Variants in PPL observed in about 807,000 individuals in gnomAD.
PPL encodes 190 kDa paraneoplastic pemphigus antigen.
A neutral mutation model predicts 194.4 loss-of-function variants in PPL; 198 were observed. The ratio of observed to expected loss-of-function variants is 1.02; its 90% confidence interval spans 0.91 to 1.15. The LOEUF (loss-of-function observed/expected upper bound fraction) is 1.15. PPL is among the 50% of genes most tolerant of loss of function. The probability of loss-of-function intolerance (pLI) is 0.00; values close to 1 mark genes in which losing one functional copy is unlikely to be tolerated. For synonymous variants in PPL, 1,220 were observed against 972.4 expected (o/e 1.25, Z -4.74); for missense variants, 2,885 against 2,294.8 (o/e 1.26, Z -5.25).
At chr16:4,903,160 C>G (rs936877113) in intron 3 of PPL, among the ~76,000 whole-genome samples, 1 of 152,118 alleles carries the variant, frequency 6.6e-6, no homozygotes, top group Non-Finnish European at 1.5e-5. Flanking sequence ...TGCCAAGGGT[C>G]GTGGGGCACC....
In PPL at chr16:4,900,783, C is replaced by CATCCT. The variant is rs1568015438; in HGVS notation, c.606+42_606+46dup. On this transcript the variant is annotated intron_variant, in intron 6 of 21. Transcript: ENST00000345988. ...CTTGTCCCCCCGACTCCAAGCTTCCCATCCTCTCCTCTCCCCATGAGGCCT... is the reference window on the plus strand; with the variant it reads ...CTTGTCCCCCCGACTCCAAGCTTCCCATCCTATCCTCTCCTCTCCCCATGAGGCCT... 1.9e-6 allele frequency: 3 copies of CATCCT among 1,612,954 alleles called. No homozygotes were observed. In the Admixed American group the frequency reaches 5.0e-5, roughly 27 times the overall value.
At position 4,893,610 on chromosome 16, in the gene PPL, G is replaced by C; in HGVS notation, c.1423C>G (p.Gln475Glu). The change falls in exon 13 of 22, where the codon CAG (glutamine) becomes GAG (glutamate). Residue 475 changes from glutamine to glutamate, a missense_variant. Transcript: ENST00000345988. ...SLGSQYRSVR[Q>E]KAAGSKRTLQ... ...GTGCGTTTGCTCCCAGCTGCCTTCT[G>C]CCGCACGCTCCGGTACTGGCTGCCC... 1 of 1,606,650 alleles carries C rather than the reference G, an allele frequency of 6.2e-7. No homozygotes were observed. Among genetic ancestry groups the C allele is most frequent in the South Asian group, 1.1e-5 (1 of 90,304 alleles).
In PPL at chr16:4,885,176, G is replaced by C. The variant is rs2088191957; in HGVS notation, c.3479C>G (p.Ala1160Gly). ...EKTELLRKIW[A>G]LEEENAKVVV... ...CACTTTGGCGTTCTCCTCCTCCAAG[G>C]CCCATATCTTTCGGAGCAGCTCCGT... Residue 1160 changes from alanine to glycine, a missense_variant, in exon 22 of 22, where the codon GCC (alanine) becomes GGC (glycine). By Grantham distance (60) the Ala-to-Gly change is moderately conservative (BLOSUM62 0). Transcript: ENST00000345988. This position sits in a 1 kb window ranked among gnomAD's most constrained non-coding sequence, Gnocchi z 6.3. 6.2e-7 allele frequency: 1 copy of C among 1,613,886 alleles called. No individual in the cohort carries two copies. The highest frequency in any genetic ancestry group is 1.3e-5 in the African/African-American group (1 of 74,864).
intron 1 of PPL, among the ~76,000 whole-genome samples, chr16:4,915,333 A>C (rs1253778548): frequency 6.6e-6 from 1 of 152,230 alleles, no homozygotes; most frequent in Non-Finnish European, 1.5e-5. Context: ...CTGCTTAGAC[A>C]GCCTCAGGCA....
intron 2 of PPL, among the ~76,000 whole-genome samples, chr16:4,906,928 T>A (rs1568026999): frequency 1.3e-5 from 2 of 152,088 alleles, no homozygotes; most frequent in Non-Finnish European, 2.9e-5. Context: ...TTATATAAGT[T>A]ATACCTTGAT....
chr16:4,918,264 G>T (rs924030128), intron 1 of PPL, among the ~76,000 whole-genome samples: 3 of 148,940 alleles, frequency 2.0e-5, no homozygotes, highest in Admixed American at 1.4e-4. Flanking sequence ...CTACACTCCA[G>T]CCTGGGCGAC....
rs1290738559 is a variant in PPL, at chr16:4,906,894, C to T, written c.163-2854G>A. On this transcript the variant is annotated intron_variant, in intron 2 of 21. Transcript: ENST00000345988. ...CAAAAATTCACCCAGGTGAAGTCTG[C>T]GAATGTAGACACTTCTCTAGAGTTT... Among the ~76,000 whole-genome samples, 5 of 152,100 alleles carry T rather than the reference C, an allele frequency of 3.3e-5. No individual in the cohort carries two copies. In the East Asian group the frequency reaches 5.8e-4, roughly 18 times the overall value.
Position 4,893,256 on chromosome 16 carries a change from C to T in PPL, c.1607G>A (p.Gly536Asp). Reference sequence around the variant, plus strand: ...CTCGGCACTGTCCTGCACAGCCCGGCCTTGCTCCAGTGGTGGCCGCAGGAT... The same window carrying T: ...CTCGGCACTGTCCTGCACAGCCCGGTCTTGCTCCAGTGGTGGCCGCAGGAT... ...TGILRPPLEQ[G>D]RAVQDSAERA... The change falls in exon 14 of 22, where the codon GGC becomes GAC. Residue 536 changes from glycine to aspartate, a missense_variant. Transcript: ENST00000345988. 1.3e-6 allele frequency: 2 copies of T among 1,594,842 alleles called. No homozygotes were observed. The highest frequency in any genetic ancestry group is 8.5e-7 in the Non-Finnish European group (1 of 1,174,142).
At chr16:4,897,394 G>T (rs2088452705) in intron 9 of PPL, among the ~76,000 whole-genome samples, 2 of 140,040 alleles carry the variant, frequency 1.4e-5, no homozygotes, top group East Asian at 2.2e-4. Flanking sequence ...GTATATTATA[G>T]ATTTTACCAA....
intron 1 of PPL, among the ~76,000 whole-genome samples, chr16:4,926,258 C>T (rs1329267359): frequency 6.6e-6 from 1 of 152,206 alleles, no homozygotes; most frequent in Non-Finnish European, 1.5e-5. Context: ...GTAACTGCTG[C>T]AGCCCCAACT....
At chr16:4,907,346 ACACACACACG>A (rs1274021308) in intron 2 of PPL, among the ~76,000 whole-genome samples, 1 of 148,480 alleles carries the variant, frequency 6.7e-6, no homozygotes, top group Non-Finnish European at 1.5e-5. Flanking sequence ...ACACACACAC[ACACACACACG>A]GACAGATACA....
intron 19 of PPL, chr16:4,888,619 G>A (rs2088256938): frequency 6.2e-6 from 2 of 322,988 alleles, no homozygotes; most frequent in Non-Finnish European, 1.1e-5. Context: ...GCTGATTCAC[G>A]CAGCTTTCCC....
Position 4,885,657 on chromosome 16 carries a change from T to A in PPL, c.2998A>T (p.Ile1000Phe). The change falls in exon 22 of 22, where the codon ATC (isoleucine) becomes TTC (phenylalanine). Residue 1000 changes from isoleucine (I) to phenylalanine (F), a missense_variant. By Grantham distance (21) the Ile-to-Phe change is conservative. Transcript: ENST00000345988. The surrounding 1 kb of genome is among the most constrained non-coding windows in gnomAD (Gnocchi z 6.3). ...QEYVVKEVLR[I>F]EPDRAQADEV... The stretch of plus-strand genomic sequence containing the variant: ...TCCGCCTGGGCCCTGTCAGGCTCGA[T>A]GCGCAGGACCTCCTTGACCACGTAC... 2 of 1,612,900 alleles carry A rather than the reference T, an allele frequency of 1.2e-6. No homozygotes were observed. Among genetic ancestry groups the A allele is most frequent in the Non-Finnish European group, 1.7e-6 (2 of 1,179,656 alleles).
chr16:4,886,326 C>T (rs551678831), intron 21 of PPL, among the ~76,000 whole-genome samples: 1 of 152,322 alleles, frequency 6.6e-6, no homozygotes, highest in East Asian at 1.9e-4. Context: ...GTCTGTCAGC[C>T]TTGCAGATGC....
chr16:4,908,445 T>TCACA (rs55877350), intron 2 of PPL, among the ~76,000 whole-genome samples: 1 of 151,258 alleles, frequency 6.6e-6, no homozygotes, highest in Admixed American at 6.6e-5. Flanking sequence ...TCTCTCTCTC[T>TCACA]CACACACATA....
Position 4,902,193 on chromosome 16 carries a change from C to T in PPL, c.438+213G>A, listed in dbSNP as rs13334749. ...GGTGTGGCTGACAGGGGACAGAGTC[C>T]GAATCTCCACCGCTTGAGCTGTGTG... On this transcript the variant is annotated intron_variant, in intron 4 of 21. Coordinates refer to ENST00000345988, the MANE Select transcript of PPL (RefSeq NM_002705.5). The surrounding 1 kb of genome is among the most constrained non-coding windows in gnomAD (Gnocchi z 4.0). Among the ~76,000 whole-genome samples the T allele has an allele frequency of 0.27, 40,297 of 152,020 alleles. 5,940 individuals are homozygous for T. Among genetic ancestry groups the T allele is most frequent in the African/African-American group, 0.38 (15,697 of 41,446 alleles).
Position 4,885,237 on chromosome 16 carries a change from C to T in PPL, c.3418G>A (p.Glu1140Lys), listed in dbSNP as rs763383758. The T allele has an allele frequency of 6.2e-6, 10 of 1,613,886 alleles. No homozygotes were observed. Among genetic ancestry groups the T allele is most frequent in the Admixed American group, 5.0e-5 (3 of 60,028 alleles). ...VSDLTRQYED[E>K]AAKARASQRE... Reference sequence around the variant, plus strand: ...TGGCTAGCGCGAGCCTTGGCAGCCTCGTCCTCATATTGGCGGGTGAGATCG... The same window carrying T: ...TGGCTAGCGCGAGCCTTGGCAGCCTTGTCCTCATATTGGCGGGTGAGATCG... Residue 1140 changes from glutamate (E) to lysine (K), a missense_variant, in exon 22 of 22, where the codon GAG (glutamate) becomes AAG (lysine). Physicochemically the swap from Glu to Lys is moderately conservative, Grantham distance 56. Coordinates refer to ENST00000345988, the MANE Select transcript of PPL (RefSeq NM_002705.5). The surrounding 1 kb of genome is among the most constrained non-coding windows in gnomAD (Gnocchi z 6.3).
rs768301617 is a variant in PPL, at chr16:4,899,396, G to A, written c.607-12C>T. 32 of 1,595,616 alleles carry A rather than the reference G, an allele frequency of 2.0e-5. No homozygotes were observed. The highest frequency in any genetic ancestry group is 3.3e-5 in the South Asian group (3 of 90,416). On this transcript the variant is annotated splice_polypyrimidine_tract_variant and intron_variant, in intron 6 of 21. Transcript: ENST00000345988. ...GCCTGTGATGCTGCCTGAAGGGGCC[G>A]GGGCAAGGAAAGGGCTGCGTCCTCA...
chr16:4,897,726 G>T lies in PPL; in HGVS notation c.921C>A (p.Asn307Lys), dbSNP rs772474703. The change falls in exon 9 of 22, where the codon AAC (asparagine) becomes AAA (lysine). Residue 307 changes from asparagine (N) to lysine (K), a missense_variant. By Grantham distance (94) the Asn-to-Lys change is moderately conservative. Coordinates refer to ENST00000345988, the MANE Select transcript of PPL (RefSeq NM_002705.5). The part of the protein sequence containing the change: ...AVHADWKEYL[N>K]LLICEESHLK... ...GGTGGCTCTCCTCGCAGATGAGCAG[G>T]TTCAGGTACTCCTTCCAGTCTGCGT... 2 of 1,613,970 alleles carry T rather than the reference G, an allele frequency of 1.2e-6. No homozygotes were observed. The highest frequency in any genetic ancestry group is 1.7e-6 in the Non-Finnish European group (2 of 1,180,010).
Sources: allele counts gnomAD v4.1 joint callset (sites outside exome capture counted in the v4.1 genomes callset), GRCh38; gene constraint gnomAD v4.1.1; non-coding constraint Gnocchi (gnomAD v3.1); transcripts MANE v1.5; gene names NCBI Gene and HGNC (gene_info 2026-07-23, HGNC 2026-07-21).